KCNIP4: variants seen among roughly 807,000 people sequenced by gnomAD.
The protein encoded by KCNIP4 is Kv channel-interacting protein 4.
A neutral mutation model predicts 34.0 loss-of-function variants in KCNIP4; 12 were observed. That is an observed-to-expected ratio of 0.35 (90% confidence interval 0.23 to 0.57). KCNIP4 has a LOEUF of 0.57. Among genes scored for constraint, KCNIP4 ranks in the 20% least tolerant of loss-of-function variants. The pLI is 0.83. For missense variants in KCNIP4, 238 were observed against 311.7 expected, an observed-to-expected ratio of 0.76 and a Z score of 1.78; for synonymous variants, 124 against 102.2, an observed-to-expected ratio of 1.21 and a Z score of -1.29.
intron 1 of KCNIP4, among the ~76,000 whole-genome samples, chr4:21,600,382 A>C (rs1743011114): frequency 6.6e-6 from 1 of 152,156 alleles, no homozygotes; most frequent in South Asian, 2.1e-4. Flanking sequence ...GATGCATAAT[A>C]GATGTACATA....
intron 1 of KCNIP4, among the ~76,000 whole-genome samples, chr4:21,803,298 G>A (rs1721108629): frequency 6.6e-6 from 1 of 152,034 alleles, no homozygotes; most frequent in African/African-American, 2.4e-5. Context: ...TCCAAGAAGA[G>A]TCTACAACTC....
At chr4:21,504,718 A>G (rs769390611) in intron 1 of KCNIP4, among the ~76,000 whole-genome samples, 5 of 152,142 alleles carry the variant, frequency 3.3e-5, no homozygotes, top group Non-Finnish European at 7.3e-5. Context: ...GGGGTTTCAC[A>G]CGGGATACTA....
At chr4:21,893,261 G>A (rs1727206878) in intron 1 of KCNIP4, among the ~76,000 whole-genome samples, 1 of 152,128 alleles carries the variant, frequency 6.6e-6, no homozygotes. Context: ...CTGAGTACAT[G>A]CCATTGCATA....
intron 1 of KCNIP4, among the ~76,000 whole-genome samples, chr4:21,265,307 T>C (rs1268460635): frequency 6.6e-6 from 1 of 152,070 alleles, no homozygotes. Flanking sequence ...AGTGATGAGA[T>C]ATTAGGTTAT....
intron 1 of KCNIP4, among the ~76,000 whole-genome samples, chr4:20,905,967 A>G (rs1281672979): frequency 6.6e-6 from 1 of 152,050 alleles, no homozygotes; most frequent in Non-Finnish European, 1.5e-5. Context: ...TTCAACATAC[A>G]AATTTTGAGG....
At chr4:21,140,237 C>T (rs9995434) in intron 1 of KCNIP4, among the ~76,000 whole-genome samples, 5,360 of 152,116 alleles carry the variant, frequency 0.035, 292 homozygotes, top group African/African-American at 0.12. Context: ...ATGCAATTTG[C>T]TTTCTCTTTT....
chr4:21,750,075 C>T (rs1215255205), intron 1 of KCNIP4, among the ~76,000 whole-genome samples: 1 of 152,094 alleles, frequency 6.6e-6, no homozygotes, highest in Non-Finnish European at 1.5e-5. Context: ...ATGATGAAAT[C>T]TTGTGCCCAT....
chr4:21,670,781 G>A (rs535737485), intron 1 of KCNIP4, among the ~76,000 whole-genome samples: 229 of 151,898 alleles, frequency 1.5e-3, no homozygotes, highest in African/African-American at 5.3e-3. Flanking sequence ...TCAGCCTCCC[G>A]AGTAGCTGGG....
intron 1 of KCNIP4, among the ~76,000 whole-genome samples, chr4:21,864,225 C>T (rs6448098): frequency 0.36 from 55,378 of 152,050 alleles, 11,836 homozygotes; most frequent in East Asian, 0.65. Context: ...AGTTAATTTC[C>T]ATGGATAATA....
intron 1 of KCNIP4, among the ~76,000 whole-genome samples, chr4:21,557,869 G>A (rs1470630238): frequency 6.6e-6 from 1 of 152,120 alleles, no homozygotes; most frequent in Non-Finnish European, 1.5e-5. Context: ...AGGAAGATGT[G>A]GGGATTCTTC....
At chr4:20,847,710 C>T (rs1471110100) in intron 3 of KCNIP4, among the ~76,000 whole-genome samples, 1 of 152,096 alleles carries the variant, frequency 6.6e-6, no homozygotes, top group Non-Finnish European at 1.5e-5. Flanking sequence ...ATCAGAGATA[C>T]CATATGGGAA....
In KCNIP4 at chr4:21,946,968, C is replaced by T. The variant is rs1251735271; in HGVS notation, c.61+1603G>A. On this transcript the variant is annotated intron_variant, in intron 1 of 8. Transcript: ENST00000382152. ...TGTGCATAGTCTAGACATGCTGATT[C>T]AATCCCCATCCGGTTGATGGAAGAA... 3.9e-5 allele frequency among the ~76,000 whole-genome samples: 6 copies of T among 152,168 alleles called. No homozygotes were observed. In the East Asian group the frequency reaches 1.2e-3, roughly 29 times the overall value.
intron 1 of KCNIP4, among the ~76,000 whole-genome samples, chr4:21,764,620 T>G (rs980237861): frequency 2.6e-5 from 4 of 151,682 alleles, no homozygotes; most frequent in Admixed American, 6.6e-5. Flanking sequence ...CATGAGAGGG[T>G]GGTGATGGCT....
At chr4:20,839,531 CA>C (rs1463374682) in intron 3 of KCNIP4, among the ~76,000 whole-genome samples, 3 of 147,744 alleles carry the variant, frequency 2.0e-5, no homozygotes, top group Non-Finnish European at 4.5e-5. Flanking sequence ...TTTTCAAAAG[CA>C]AATTTATATA....
chr4:21,673,181 C>T (rs1235923035), intron 1 of KCNIP4, among the ~76,000 whole-genome samples: 2 of 152,202 alleles, frequency 1.3e-5, no homozygotes, highest in Admixed American at 1.3e-4. Flanking sequence ...TATATAACAT[C>T]TCTCAAGTTA....
intron 1 of KCNIP4, among the ~76,000 whole-genome samples, chr4:21,015,133 A>G (rs1739387238): frequency 6.6e-6 from 1 of 152,036 alleles, no homozygotes; most frequent in South Asian, 2.1e-4. Context: ...TGCGGAGAGA[A>G]GAATAGAGAA....
chr4:21,565,495 T>A (rs2109040830), intron 1 of KCNIP4, among the ~76,000 whole-genome samples: 1 of 152,246 alleles, frequency 6.6e-6, no homozygotes, highest in South Asian at 2.1e-4. Context: ...AGTTTCAAAC[T>A]TTCATAAACA....
chr4:21,244,266 G>A (rs564997259), intron 1 of KCNIP4, among the ~76,000 whole-genome samples: 8 of 152,166 alleles, frequency 5.3e-5, no homozygotes, highest in Admixed American at 2.6e-4. Flanking sequence ...TTTCTTGCTC[G>A]TGGAAGATTA....
intron 1 of KCNIP4, among the ~76,000 whole-genome samples, chr4:21,242,446 A>G (rs1038310504): frequency 4.6e-5 from 7 of 152,146 alleles, no homozygotes; most frequent in African/African-American, 1.4e-4. Context: ...TTTCTGTGTC[A>G]ACTTGACTGC....
Sources: gnomAD v4.1 joint callset for allele counts (sites outside exome capture counted in the v4.1 genomes callset) on GRCh38, gnomAD v4.1.1 for gene constraint, MANE v1.5 for transcripts, NCBI Gene and HGNC (gene_info 2026-07-23, HGNC 2026-07-21) for gene names.